Variants in AGBL4 observed in about 807,000 individuals in gnomAD.
The protein encoded by AGBL4 is cytosolic carboxypeptidase 6.
Under a neutral mutation model 66.4 loss-of-function variants are expected in AGBL4, and 58 were observed. The ratio of observed to expected loss-of-function variants is 0.87; its 90% CI spans 0.71 to 1.09. The LOEUF (loss-of-function observed/expected upper bound fraction) is 1.09. Among genes scored for constraint, AGBL4 ranks in the 50% least tolerant of loss-of-function variants. The pLI, the probability that AGBL4 is intolerant of heterozygous loss-of-function variation, is 0.00. For synonymous variants in AGBL4, 234 were observed against 222.9 expected, an observed-to-expected ratio of 1.05 and a Z score of -0.44; for missense variants, 579 against 631.0, an observed-to-expected ratio of 0.92 and a Z score of 0.88.
At chr1:49,222,795 A>G (rs1050904362) in intron 4 of AGBL4, among the ~76,000 whole-genome samples, 5 of 152,238 alleles carry the variant, frequency 3.3e-5, no homozygotes, top group African/African-American at 4.8e-5. Flanking sequence ...ATAACCATCC[A>G]AAAGTACCAT....
chr1:49,948,130 A>G (rs1269462895), intron 1 of AGBL4, among the ~76,000 whole-genome samples: 4 of 103,634 alleles, frequency 3.9e-5, no homozygotes, highest in Non-Finnish European at 5.1e-5. Context: ...AAATATATAT[A>G]AATATATGTA....
chr1:49,571,935 A>C (rs114727136), intron 3 of AGBL4, among the ~76,000 whole-genome samples: 1,724 of 152,142 alleles, frequency 0.011, 12 homozygotes, highest in Non-Finnish European at 0.018. Context: ...ATTGTAGTCT[A>C]TTATCTTTTT....
intron 5 of AGBL4, among the ~76,000 whole-genome samples, chr1:48,977,737 T>G (rs922394549): frequency 1.3e-5 from 2 of 152,174 alleles, no homozygotes; most frequent in Non-Finnish European, 2.9e-5. Context: ...CTGGGGAGAC[T>G]GATCCCAATT....
At chr1:50,020,756 TA>T (rs1415337066) in intron 1 of AGBL4, among the ~76,000 whole-genome samples, 4 of 152,214 alleles carry the variant, frequency 2.6e-5, no homozygotes, top group Non-Finnish European at 4.4e-5. Context: ...ACATAGAGAA[TA>T]CCTTAAAGAG....
chr1:48,587,299 T>C, intron 10 of AGBL4, 133 bp from the exon 11 acceptor site: 1 of 865,160 alleles, frequency 1.2e-6, no homozygotes, highest in Non-Finnish European at 1.7e-6. Context: ...ATCACATGAT[T>C]ATTATAAGGA....
intron 1 of AGBL4, among the ~76,000 whole-genome samples, chr1:49,907,671 G>C (rs986864926): frequency 3.9e-5 from 6 of 152,148 alleles, no homozygotes; most frequent in African/African-American, 1.4e-4. Flanking sequence ...TTGAGAGACA[G>C]AGATAAATAC....
intron 4 of AGBL4, among the ~76,000 whole-genome samples, chr1:49,159,201 T>C (rs1646493363): frequency 6.6e-6 from 1 of 152,058 alleles, no homozygotes; most frequent in Non-Finnish European, 1.5e-5. Flanking sequence ...TGGCTGGTAC[T>C]AGTTTTTCCT....
chr1:49,915,365 A>C (rs1031109882), intron 1 of AGBL4, among the ~76,000 whole-genome samples: 1 of 152,146 alleles, frequency 6.6e-6, no homozygotes, highest in Admixed American at 6.5e-5. Context: ...CAGCAGCTGG[A>C]AAACTGGGTC....
intron 6 of AGBL4, among the ~76,000 whole-genome samples, chr1:48,764,400 T>C (rs1001462329): frequency 2.6e-5 from 4 of 152,150 alleles, no homozygotes; most frequent in Admixed American, 6.5e-5. Context: ...ACTTCAACAG[T>C]TGGTGCTCAT....
chr1:49,115,687 T>C (rs1023264321), intron 4 of AGBL4, among the ~76,000 whole-genome samples: 1 of 152,114 alleles, frequency 6.6e-6, no homozygotes, highest in Admixed American at 6.5e-5. Flanking sequence ...AAAATCCTCA[T>C]TGAAATTGTT....
rs946472081 is a variant in AGBL4 at position 49,674,941 on chromosome 1, T to C, written c.282+22372A>G. On this transcript the variant is annotated intron_variant, in intron 3 of 13. Transcript: ENST00000371839. The stretch of plus-strand genomic sequence containing the variant: ...TGACATTTGTAATGAGCTTTTGACA[T>C]TTGAGTGATAGCTACACTGAGATAA... Among the ~76,000 whole-genome samples, 3 of 152,170 alleles carry C rather than the reference T, an allele frequency of 2.0e-5. No homozygotes were observed. The East Asian group carries it at 5.8e-4, about 29-fold the overall frequency.
chr1:49,420,143 A>G (rs1416896993), intron 3 of AGBL4, among the ~76,000 whole-genome samples: 2 of 152,162 alleles, frequency 1.3e-5, no homozygotes, highest in African/African-American at 2.4e-5. Flanking sequence ...CTATTTATCC[A>G]ACTTTTGGTC....
intron 5 of AGBL4, among the ~76,000 whole-genome samples, chr1:49,032,122 A>C (rs1177514054): frequency 2.0e-5 from 3 of 152,198 alleles, no homozygotes; most frequent in African/African-American, 7.2e-5. Context: ...AAGAACTGTA[A>C]GAAGGCCAGT....
At chr1:48,858,217 C>T (rs549052640) in intron 6 of AGBL4, among the ~76,000 whole-genome samples, 121 of 152,256 alleles carry the variant, frequency 7.9e-4, no homozygotes, top group Non-Finnish European at 1.5e-3. Flanking sequence ...TGGAACTGTC[C>T]TCCACTGATG....
At chr1:48,904,643 T>C (rs1165257148) in intron 5 of AGBL4, among the ~76,000 whole-genome samples, 1 of 152,170 alleles carries the variant, frequency 6.6e-6, no homozygotes, top group Non-Finnish European at 1.5e-5. Flanking sequence ...TCCTCATATG[T>C]AAAATGGGGA....
intron 1 of AGBL4, among the ~76,000 whole-genome samples, chr1:49,920,981 A>T (rs1049674990): frequency 2.0e-5 from 3 of 152,242 alleles, no homozygotes; most frequent in African/African-American, 7.2e-5. Flanking sequence ...TCAGCAAACT[A>T]TCGCAAGGAC....
At chr1:49,856,052 A>C (rs1646424729) in intron 1 of AGBL4, among the ~76,000 whole-genome samples, 1 of 151,996 alleles carries the variant, frequency 6.6e-6, no homozygotes, top group Admixed American at 6.6e-5. Context: ...AAATAAAAAA[A>C]AGACATTACA....
chr1:48,779,583 C>A (rs1012274219), intron 6 of AGBL4, among the ~76,000 whole-genome samples: 2 of 152,124 alleles, frequency 1.3e-5, no homozygotes, highest in Non-Finnish European at 2.9e-5. Flanking sequence ...CTTTAGCATC[C>A]CAGGTACCTA....
chr1:49,732,827 G>A (rs192103804), intron 2 of AGBL4, among the ~76,000 whole-genome samples: 1 of 152,072 alleles, frequency 6.6e-6, no homozygotes, highest in Non-Finnish European at 1.5e-5. Flanking sequence ...AGAGAGGAGA[G>A]AGAATGAAAT....
Sources: allele counts gnomAD v4.1 joint callset (sites outside exome capture counted in the v4.1 genomes callset), GRCh38; gene constraint gnomAD v4.1.1; transcripts MANE v1.5; gene names NCBI Gene and HGNC (gene_info 2026-07-23, HGNC 2026-07-21).